The following ABCA9 variants were observed in gnomAD, a reference collection of about 807,000 sequenced individuals.
The protein encoded by ABCA9 is ATP-binding cassette sub-family A member 9.
ABCA9 carries 183 observed loss-of-function variants against 205.3 expected under a neutral mutation model. That is an observed-to-expected ratio of 0.89 (90% CI 0.79 to 1.01). The LOEUF (loss-of-function observed/expected upper bound fraction) is 1.01. ABCA9 is among the 50% of genes least tolerant of loss of function. ABCA9 has a pLI of 0.00. For missense variants in ABCA9, 1,805 were observed against 1,912.4 expected (o/e 0.94, Z 1.05); for synonymous variants, 651 against 683.3 (o/e 0.95, Z 0.74).
intron 23 of ABCA9, among the ~76,000 whole-genome samples, chr17:69,010,419 C>G (rs917057824): frequency 6.6e-6 from 1 of 151,912 alleles, no homozygotes; most frequent in Admixed American, 6.6e-5. Context: ...ATGATATTGG[C>G]ATATTTGAGA....
chr17:69,054,872 C>T (rs754843758), intron 1 of ABCA9, among the ~76,000 whole-genome samples: 2 of 151,660 alleles, frequency 1.3e-5, no homozygotes, highest in Middle Eastern at 3.2e-3. Flanking sequence ...TAGTGTTATT[C>T]GAAAGTTGAC....
At chr17:69,016,102 GTATATATA>G (rs369501172) in intron 22 of ABCA9, 143 bp downstream of exon 22, 27 of 263,458 alleles carry the variant, frequency 1.0e-4, no homozygotes, top group South Asian at 3.9e-4. Context: ...ATGTGTGTGT[GTATATATA>G]TATATATATA....
intron 32 of ABCA9, 56 bp from the exon 33 acceptor site, chr17:68,985,184 G>A (rs2069191049): frequency 2.5e-6 from 4 of 1,590,146 alleles, no homozygotes; most frequent in Non-Finnish European, 3.4e-6. Flanking sequence ...GTACATGGGA[G>A]AATGAGCAAA....
chr17:69,043,408 G>T, intron 6 of ABCA9, 81 bp downstream of exon 6: 7 of 1,205,810 alleles, frequency 5.8e-6, no homozygotes, highest in Non-Finnish European at 8.1e-6. Context: ...TGGGGCTTGG[G>T]GACCCCTGGT....
Position 68,984,866 on chromosome 17 carries a change from G to C in ABCA9, c.4379+19C>G. On this transcript the variant is annotated intron_variant, in intron 34 of 38. Transcript: ENST00000340001. ...GGATCAATACACTCATGCAGAGGTT[G>C]CTCATGATAGCACCTCACCACATTT... 1 of 1,614,088 alleles carries C rather than the reference G, an allele frequency of 6.2e-7. No homozygotes were observed. Among genetic ancestry groups the C allele is most frequent in the Non-Finnish European group, 8.5e-7 (1 of 1,179,986 alleles).
chr17:69,020,679 G>T, intron 18 of ABCA9, 93 bp from the exon 19 acceptor site: 1 of 1,170,296 alleles, frequency 8.5e-7, no homozygotes, highest in Non-Finnish European at 1.2e-6. Context: ...AGGTGTCAAA[G>T]TTACCCTCTT....
chr17:69,002,971 T>G (rs1256564561), intron 25 of ABCA9, among the ~76,000 whole-genome samples: 1 of 145,958 alleles, frequency 6.9e-6, no homozygotes, highest in Non-Finnish European at 1.5e-5. Flanking sequence ...ATTTGCTTGG[T>G]AGATCTTCCT....
intron 1 of ABCA9, among the ~76,000 whole-genome samples, chr17:69,053,586 GCTT>G (rs1055043175): frequency 6.6e-6 from 1 of 152,056 alleles, no homozygotes; most frequent in African/African-American, 2.4e-5. Flanking sequence ...TCTTTGATGA[GCTT>G]ATTAGTAGAC....
At chr17:69,057,390 G>A (rs1433981769) in intron 1 of ABCA9, among the ~76,000 whole-genome samples, 1 of 152,166 alleles carries the variant, frequency 6.6e-6, no homozygotes, top group Admixed American at 6.5e-5. Context: ...TTGGCCTTGA[G>A]GGTAACCCAC....
At chr17:69,077,170 C>T in the ABCA9 span, among the ~76,000 whole-genome samples, 2 of 152,172 alleles carry the variant, frequency 1.3e-5, no homozygotes, top group African/African-American at 4.8e-5. Context: ...CCTCTTACCA[C>T]TGCTTTTGCT....
intron 6 of ABCA9, among the ~76,000 whole-genome samples, chr17:69,040,893 G>A (rs1018179876): frequency 5.9e-5 from 9 of 152,148 alleles, no homozygotes; most frequent in African/African-American, 2.2e-4. Context: ...TACTATCAAT[G>A]CCAAATAAAC....
At chr17:68,979,140 A>G (rs901983657) in intron 37 of ABCA9, among the ~76,000 whole-genome samples, 10 of 152,196 alleles carry the variant, frequency 6.6e-5, no homozygotes, top group African/African-American at 2.4e-4. Flanking sequence ...TTATACACCA[A>G]TAACAGACAA....
rs1468792308 is a variant in ABCA9, at chr17:68,982,602, A to C, written c.4680T>G (p.Asp1560Glu). The stretch of plus-strand genomic sequence containing the variant: ...AGAAAGCCTGTGATAAAGGTCGCAC[A>C]TCCTCAACAGGCAACTTATAGACCA... ...SLMVYKLPVE[D>E]VRPLSQAFFK... Residue 1560 changes from aspartate (D) to glutamate (E), a missense_variant, in exon 37 of 39, where the codon GAT becomes GAG. Transcript: ENST00000340001. 6.2e-7 allele frequency: 1 copy of C among 1,614,046 alleles called. No individual in the cohort carries two copies. The highest frequency in any genetic ancestry group is 8.5e-7 in the Non-Finnish European group (1 of 1,180,000).
At chr17:68,983,413 G>A (rs2069126061) in intron 36 of ABCA9, among the ~76,000 whole-genome samples, 2 of 152,070 alleles carry the variant, frequency 1.3e-5, no homozygotes, top group Admixed American at 1.3e-4. Context: ...ATGAGGGATG[G>A]TTTTACCCTC....
chr17:68,976,729 A>G (rs894862105), intron 37 of ABCA9, among the ~76,000 whole-genome samples: 1 of 152,126 alleles, frequency 6.6e-6, no homozygotes, highest in Admixed American at 6.5e-5. Flanking sequence ...GTCCCTCTGG[A>G]CCTAAGAATG....
At chr17:69,029,755 C>T (rs1252508729) in intron 10 of ABCA9, among the ~76,000 whole-genome samples, 1 of 152,050 alleles carries the variant, frequency 6.6e-6, no homozygotes, top group African/African-American at 2.4e-5. Context: ...AATTATCACA[C>T]AGAGTTGGAA....
chr17:69,065,078 G>A (rs2072332622), upstream of ABCA9, among the ~76,000 whole-genome samples: 1 of 152,152 alleles, frequency 6.6e-6, no homozygotes, highest in Non-Finnish European at 1.5e-5. Context: ...TTCTTGTGAA[G>A]ACATCTTAGG....
At chr17:69,059,115 G>A (rs1228714348) in intron 1 of ABCA9, among the ~76,000 whole-genome samples, 3 of 152,138 alleles carry the variant, frequency 2.0e-5, no homozygotes, top group Admixed American at 6.5e-5. Flanking sequence ...TCCCTCCCAT[G>A]ACAGATAGGG....
rs1423468849 is a variant in ABCA9 at position 69,003,378 on chromosome 17, G to A, written c.3435+4381C>T. On this transcript the variant is annotated intron_variant, in intron 25 of 38. Transcript: ENST00000340001. ...ATTTTATTTCTCCTTCACTTATGAA[G>A]CTTAGTTTGGCTGGATATGAAATTC... 3.4e-5 allele frequency among the ~76,000 whole-genome samples: 5 copies of A among 146,896 alleles called. No homozygotes were observed. The East Asian group carries it at 7.9e-4, about 23-fold the overall frequency.
Sources: gnomAD v4.1 joint callset for allele counts (sites outside exome capture counted in the v4.1 genomes callset) on GRCh38, gnomAD v4.1.1 for gene constraint, MANE v1.5 for transcripts, NCBI Gene and HGNC (gene_info 2026-07-23, HGNC 2026-07-21) for gene names.